KIAA2012: variants seen among roughly 807,000 people sequenced by gnomAD.
KIAA2012 encodes uncharacterized protein KIAA2012.
KIAA2012 carries 125 observed loss-of-function variants against 150.6 expected under a neutral mutation model. That is an observed-to-expected ratio of 0.83 (90% confidence interval 0.72 to 0.96). The LOEUF (loss-of-function observed/expected upper bound fraction) is 0.96. KIAA2012 is among the 40% of genes least tolerant of loss of function. KIAA2012 has a pLI of 0.00. For synonymous variants in KIAA2012, 462 were observed against 504.7 expected (o/e 0.92, Z 1.13); for missense variants, 1,219 against 1,354.9 (o/e 0.90, Z 1.57).
rs1255653013 is a variant in KIAA2012 at position 202,100,394 on chromosome 2, T to C, written c.1100T>C (p.Val367Ala). Residue 367 changes from valine (V) to alanine (A), a missense_variant, in exon 7 of 24, where the codon GTA becomes GCA. Val to Ala is a moderately conservative substitution (Grantham distance 64). Coordinates refer to ENST00000498697, the MANE Select transcript of KIAA2012 (RefSeq NM_001277372.4). Reference sequence around the variant, plus strand: ...GCTGAAAGAAGCCTCTTCCCTCCTGTAGCATCTGCCACTGGCTCCAGAATA... The same window carrying C: ...GCTGAAAGAAGCCTCTTCCCTCCTGCAGCATCTGCCACTGGCTCCAGAATA... ...LPAERSLFPP[V>A]ASATGSRIIT... 4.5e-6 allele frequency: 7 copies of C among 1,550,636 alleles called. No homozygotes were observed. The highest frequency in any genetic ancestry group is 6.1e-6 in the Non-Finnish European group (7 of 1,146,996).
chr2:202,112,385 C>T (rs1690386957), intron 10 of KIAA2012, among the ~76,000 whole-genome samples: 1 of 152,296 alleles, frequency 6.6e-6, no homozygotes, highest in Non-Finnish European at 1.5e-5. Flanking sequence ...TGGCTGTTCA[C>T]GATATCCTTT....
intron 13 of KIAA2012, among the ~76,000 whole-genome samples, chr2:202,138,781 G>A (rs1691137601): frequency 6.6e-6 from 1 of 152,206 alleles, no homozygotes; most frequent in Admixed American, 6.5e-5. Flanking sequence ...AAGGGAATAA[G>A]GGAACACAGA....
chr2:202,149,377 C>T (rs1369114851), intron 13 of KIAA2012, among the ~76,000 whole-genome samples: 1 of 152,212 alleles, frequency 6.6e-6, no homozygotes, highest in Non-Finnish European at 1.5e-5. Context: ...AAGGCTCCCC[C>T]GACCCGCTCT....
chr2:202,126,048 G>A (rs992739788), intron 12 of KIAA2012: 12 of 293,064 alleles, frequency 4.1e-5, no homozygotes, highest in Non-Finnish European at 6.3e-5. Flanking sequence ...TCTGACTCCC[G>A]GGTTCAAGCA....
chr2:202,102,995 T>G lies in KIAA2012; in HGVS notation c.1205T>G (p.Val402Gly). ...LPPISEEPPRVLEPLKSQFKA... is the reference protein window; with the variant it reads ...LPPISEEPPRGLEPLKSQFKA... Reference sequence around the variant, plus strand: ...CCTATCTCAGAAGAACCACCCAGAGTCTTGGAGCCCCTGAAGAGCCAATTT... The same window carrying G: ...CCTATCTCAGAAGAACCACCCAGAGGCTTGGAGCCCCTGAAGAGCCAATTT... The change falls in exon 8 of 24, where the codon GTC (valine) becomes GGC (glycine). Residue 402 changes from valine to glycine, a missense_variant. Val to Gly is a moderately radical substitution (Grantham distance 109). Transcript: ENST00000498697. 6.5e-7 allele frequency: 1 copy of G among 1,549,998 alleles called. No homozygotes were observed. The highest frequency in any genetic ancestry group is 8.7e-7 in the Non-Finnish European group (1 of 1,146,810).
intron 21 of KIAA2012, among the ~76,000 whole-genome samples, chr2:202,194,658 G>A (rs1692381977): frequency 1.4e-5 from 1 of 70,244 alleles, no homozygotes; most frequent in Non-Finnish European, 3.2e-5. Flanking sequence ...TTCCCGAGCA[G>A]ATGGAAACAG....
Position 202,110,187 on chromosome 2 carries a change from G to A in KIAA2012, c.1651+398G>A, listed in dbSNP as rs1226780420. The stretch of plus-strand genomic sequence containing the variant: ...CCAACAGAAGAGTCCCCAGACAGAA[G>A]TCAACTCCAGCCCAGGGCAGAGCCT... On this transcript the variant is annotated intron_variant, in intron 10 of 23. Transcript: ENST00000498697. Among the ~76,000 whole-genome samples the A allele has an allele frequency of 4.6e-5, 7 of 152,316 alleles. No individual in the cohort carries two copies. In the East Asian group the frequency reaches 1.2e-3, roughly 25 times the overall value.
intron 14 of KIAA2012, among the ~76,000 whole-genome samples, chr2:202,164,224 G>A (rs922654789): frequency 2.4e-4 from 37 of 151,908 alleles, no homozygotes; most frequent in African/African-American, 8.9e-4. Flanking sequence ...GCTTACTTGG[G>A]TCACCAACTC....
rs180873325 is a variant in KIAA2012 at position 202,156,706 on chromosome 2, A to C, written c.2046+1896A>C. ...CGAGACCAGCCTGGCTAACACGGTG[A>C]AACCCCATCTCTACTAAAAATACAA... On this transcript the variant is annotated intron_variant, in intron 14 of 23. Coordinates refer to ENST00000498697, the MANE Select transcript of KIAA2012 (RefSeq NM_001277372.4). 3.3e-3 allele frequency among the ~76,000 whole-genome samples: 508 copies of C among 152,310 alleles called. 3 individuals carry two copies. The highest frequency in any genetic ancestry group is 0.012 in the African/African-American group (478 of 41,564).
chr2:202,144,727 C>T (rs1237162116), intron 13 of KIAA2012, among the ~76,000 whole-genome samples: 1 of 152,164 alleles, frequency 6.6e-6, no homozygotes, highest in Non-Finnish European at 1.5e-5. Flanking sequence ...CACAGTGGCT[C>T]ACACCTGTAA....
At chr2:202,160,664 G>A (rs1043171945) in intron 14 of KIAA2012, among the ~76,000 whole-genome samples, 1 of 152,104 alleles carries the variant, frequency 6.6e-6, no homozygotes, top group Admixed American at 6.5e-5. Context: ...TGTTACACAG[G>A]AAAAGTTATA....
intron 12 of KIAA2012, among the ~76,000 whole-genome samples, chr2:202,132,807 T>G (rs1163566045): frequency 9.2e-6 from 1 of 108,138 alleles, no homozygotes; most frequent in Non-Finnish European, 1.9e-5. Context: ...TATATATTTT[T>G]TTTTTCAGGC....
rs932265820 is a variant in KIAA2012 at position 202,202,584 on chromosome 2, A to G, written c.*17A>G. On this transcript the variant is annotated 3_prime_UTR_variant, in exon 23 of 24. Transcript: ENST00000498697. ...AGGCCTTAAGGCTAGAAGAAAACTAAAAAGTAAGTTGGGAGATGGTGAAAG... is the reference window on the plus strand; with the variant it reads ...AGGCCTTAAGGCTAGAAGAAAACTAGAAAGTAAGTTGGGAGATGGTGAAAG... 4 of 398,880 alleles carry G rather than the reference A, an allele frequency of 1.0e-5. No individual in the cohort carries two copies. The highest frequency in any genetic ancestry group is 1.8e-5 in the Non-Finnish European group (4 of 226,058). 24.7% of individuals were successfully genotyped at this position (398,880 alleles called of 1,614,324 possible). A position where few individuals can be genotyped will look rare whatever the true frequency, so the allele number is the denominator to read the frequency against.
At chr2:202,151,194 C>T (rs910284064) in intron 13 of KIAA2012, among the ~76,000 whole-genome samples, 1 of 152,034 alleles carries the variant, frequency 6.6e-6, no homozygotes, top group East Asian at 1.9e-4. Flanking sequence ...GTCAGGAGTT[C>T]GAGACCAGCC....
chr2:202,087,439 G>A (rs946923638), intron 2 of KIAA2012, among the ~76,000 whole-genome samples: 2 of 145,666 alleles, frequency 1.4e-5, no homozygotes, highest in African/African-American at 5.1e-5. Context: ...TTTGAACCCA[G>A]GAGGCAGAGA....
rs952403162 is a variant in KIAA2012 at position 202,124,034 on chromosome 2, C to CA, written c.1763-1172dup. Among the ~76,000 whole-genome samples the CA allele has an allele frequency of 7.9e-5, 12 of 151,858 alleles. No homozygotes were observed. The South Asian group carries it at 8.3e-4, about 10-fold the overall frequency. ...TGAAACCCTGTTTCTACTAAAAATA[C>CA]AAAAAAAATTAGCCGGGTGTTGGTG... On this transcript the variant is annotated intron_variant, in intron 11 of 23. Coordinates refer to ENST00000498697, the MANE Select transcript of KIAA2012 (RefSeq NM_001277372.4).
chr2:202,197,229 G>A (rs1410715939), intron 22 of KIAA2012: 3 of 761,124 alleles, frequency 3.9e-6, no homozygotes, highest in Non-Finnish European at 6.3e-6. Flanking sequence ...AATCTACAAG[G>A]GAGTTTGGAG....
chr2:202,156,475 G>A lies in KIAA2012; in HGVS notation c.2046+1665G>A, dbSNP rs181994328. ...TGTGTTTGGCAGTTTCTGGGCATTT[G>A]GGATACATCAGTAAACAAAACAGAC... On this transcript the variant is annotated intron_variant, in intron 14 of 23. Transcript: ENST00000498697. Among the ~76,000 whole-genome samples, 8 of 152,214 alleles carry A rather than the reference G, an allele frequency of 5.3e-5. No individual in the cohort carries two copies. In the South Asian group the frequency reaches 1.7e-3, roughly 32 times the overall value.
At chr2:202,164,642 A>G (rs1691722439) in intron 14 of KIAA2012, among the ~76,000 whole-genome samples, 1 of 152,180 alleles carries the variant, frequency 6.6e-6, no homozygotes, top group South Asian at 2.1e-4. Context: ...GATAAAGACC[A>G]AAGTCCTCAA....
Sources: allele counts gnomAD v4.1 joint callset (sites outside exome capture counted in the v4.1 genomes callset), GRCh38; gene constraint gnomAD v4.1.1; transcripts MANE v1.5; gene names NCBI Gene and HGNC (gene_info 2026-07-23, HGNC 2026-07-21).